Variants in CPAP observed in about 807,000 individuals in gnomAD.
The protein encoded by CPAP is centrosome assembly and centriole elongation protein.
chr13:24,911,790 G>A, the CPAP span, among the ~76,000 whole-genome samples: 2 of 151,712 alleles, frequency 1.3e-5, no homozygotes, highest in African/African-American at 4.8e-5. Flanking sequence ...TCTTGTTCCA[G>A]TTGTATTACA....
chr13:24,903,790 A>G, the CPAP span: 9 of 1,021,744 alleles, frequency 8.8e-6, no homozygotes, highest in Non-Finnish European at 1.4e-5. Flanking sequence ...AAAAAAACTT[A>G]TATGATACAG....
the CPAP span, chr13:24,908,050 A>G: frequency 1.2e-6 from 2 of 1,612,782 alleles, no homozygotes; most frequent in Non-Finnish European, 1.7e-6. Context: ...CTGAGGAATC[A>G]TCATGTTTTT....
chr13:24,908,397 G>C, the CPAP span, among the ~76,000 whole-genome samples: 1 of 129,654 alleles, frequency 7.7e-6, no homozygotes, highest in Non-Finnish European at 1.5e-5. Flanking sequence ...CCAGGAATTC[G>C]AGCCCAGCCT....
At chr13:24,926,247 T>C in the CPAP span, among the ~76,000 whole-genome samples, 3 of 152,124 alleles carry the variant, frequency 2.0e-5, no homozygotes, top group Admixed American at 1.3e-4. Flanking sequence ...ATTTTCAACC[T>C]AGGGTTTCAT....
the CPAP span, among the ~76,000 whole-genome samples, chr13:24,928,916 G>A: frequency 2.0e-5 from 3 of 152,200 alleles, no homozygotes; most frequent in Admixed American, 1.3e-4. Context: ...CAATGATGTT[G>A]AATAGACTGT....
At chr13:24,891,912 T>TC in the CPAP span, among the ~76,000 whole-genome samples, 1 of 152,142 alleles carries the variant, frequency 6.6e-6, no homozygotes, top group Admixed American at 6.5e-5. Flanking sequence ...AGCCTGGGGC[T>TC]CCTCTGCAGG....
At chr13:24,893,989 T>A in the CPAP span, among the ~76,000 whole-genome samples, 3 of 150,992 alleles carry the variant, frequency 2.0e-5, no homozygotes, top group African/African-American at 7.3e-5. Context: ...GGCGGGGCTG[T>A]GTGGGGAGGC....
chr13:24,883,150 T>C, the CPAP span: 1 of 1,593,262 alleles, frequency 6.3e-7, no homozygotes, highest in Non-Finnish European at 8.6e-7. Context: ...AGTCAGTTAC[T>C]GTTACTTCAT....
chr13:24,923,149 C>G, the CPAP span, among the ~76,000 whole-genome samples: 1 of 152,136 alleles, frequency 6.6e-6, no homozygotes, highest in Non-Finnish European at 1.5e-5. Flanking sequence ...CCTAACGGAG[C>G]GATGGATCTC....
chr13:24,889,579 GCA>G, the CPAP span, among the ~76,000 whole-genome samples: 1,705 of 93,850 alleles, frequency 0.018, 40 homozygotes, highest in African/African-American at 0.048. Flanking sequence ...CTGCGCGTGT[GCA>G]CACACACGCA....
chr13:24,903,785 A>C, the CPAP span: 1 of 977,178 alleles, frequency 1.0e-6, no homozygotes, highest in South Asian at 1.4e-5. Context: ...CAGTAAAAAA[A>C]ACTTATATGA....
chr13:24,910,990 C>T, the CPAP span, among the ~76,000 whole-genome samples: 171 of 152,246 alleles, frequency 1.1e-3, no homozygotes, highest in African/African-American at 3.9e-3. Flanking sequence ...TTCTCAATGC[C>T]CAGCATAATC....
At chr13:24,906,606 C>T in the CPAP span, 3 of 1,614,108 alleles carry the variant, frequency 1.9e-6, no homozygotes, top group African/African-American at 4.0e-5. Context: ...CATTTCTTCC[C>T]CGTCTGTATT....
chr13:24,927,606 C>T, the CPAP span, among the ~76,000 whole-genome samples: 12 of 152,218 alleles, frequency 7.9e-5, no homozygotes, highest in African/African-American at 2.4e-4. Context: ...GAAAAATTTA[C>T]GTTTACAATA....
At chr13:24,915,101 A>T in the CPAP span, among the ~76,000 whole-genome samples, 49 of 152,156 alleles carry the variant, frequency 3.2e-4, no homozygotes, top group Admixed American at 2.2e-3. Flanking sequence ...ATTAATTAAT[A>T]ATAAATTAAT....
chr13:24,922,443 T>A, the CPAP span, among the ~76,000 whole-genome samples: 333 of 134,626 alleles, frequency 2.5e-3, 3 homozygotes, highest in Middle Eastern at 0.011. Flanking sequence ...TTCACCACCC[T>A]GCTCCAGCGG....
chr13:24,921,770 T>G, the CPAP span, among the ~76,000 whole-genome samples: 1 of 152,194 alleles, frequency 6.6e-6, no homozygotes, highest in Non-Finnish European at 1.5e-5. Flanking sequence ...CCTACTAGAC[T>G]GACAAGTGCA....
At chr13:24,884,422 A>G in the CPAP span, 1 of 1,614,090 alleles carries the variant, frequency 6.2e-7, no homozygotes. Context: ...TTCCATTGGG[A>G]AACAGTATAA....
At chr13:24,899,874 C>A in the CPAP span, among the ~76,000 whole-genome samples, 1 of 151,810 alleles carries the variant, frequency 6.6e-6, no homozygotes, top group Non-Finnish European at 1.5e-5. Flanking sequence ...GAGGCTGAGG[C>A]AGGCTTGAGC....
Sources: allele counts gnomAD v4.1 joint callset (sites outside exome capture counted in the v4.1 genomes callset), GRCh38; gene constraint gnomAD v4.1.1; transcripts MANE v1.5; gene names NCBI Gene and HGNC (gene_info 2026-07-23, HGNC 2026-07-21).